Variants in HMGCLL1 observed in about 807,000 individuals in gnomAD.
HMGCLL1 encodes 3-hydroxy-3-methylglutaryl-CoA lyase like 1, also known as 3-hydroxymethyl-3-methylglutaryl-CoA lyase, cytoplasmic.
In HMGCLL1, 36 loss-of-function variants were observed where a neutral mutation model predicts 39.1. The ratio of observed to expected loss-of-function variants is 0.92; its 90% confidence interval spans 0.71 to 1.22. The LOEUF is 1.22. Among genes scored for constraint, HMGCLL1 ranks in the 50% most tolerant of loss-of-function variants. The probability of loss-of-function intolerance (pLI) is 0.00; values close to 1 mark genes in which losing one functional copy is unlikely to be tolerated. For missense variants in HMGCLL1, 451 were observed against 416.5 expected, an observed-to-expected ratio of 1.08 and a Z score of -0.72; for synonymous variants, 149 against 144.0, an observed-to-expected ratio of 1.03 and a Z score of -0.25.
At chr6:55,515,209 C>T (rs1348648555) in intron 4 of HMGCLL1, among the ~76,000 whole-genome samples, 4 of 150,324 alleles carry the variant, frequency 2.7e-5, no homozygotes, top group African/African-American at 4.9e-5. Context: ...ATCAAGATCA[C>T]GCCACTGCAC....
Position 55,516,548 on chromosome 6 carries a change from T to C in HMGCLL1, c.353A>G (p.Tyr118Cys), listed in dbSNP as rs1767747752. 1 of 1,603,498 alleles carries C rather than the reference T, an allele frequency of 6.2e-7. No homozygotes were observed. Among genetic ancestry groups the C allele is most frequent in the South Asian group, 1.1e-5 (1 of 89,344 alleles). ...KGIHQYPGVR[Y>C]PVLTPNLQGF... The stretch of plus-strand genomic sequence containing the variant: ...CTGAAGATTAGGAGTAAGGACAGGA[T>C]AGCGAACTCCTGGATATTGATGAAT... The change falls in exon 4 of 9, where the codon TAT (tyrosine) becomes TGT (cysteine). Residue 118 changes from tyrosine to cysteine, a missense_variant. Transcript: ENST00000274901.
chr6:55,461,830 A>G (rs1764579057), intron 7 of HMGCLL1, among the ~76,000 whole-genome samples: 1 of 152,206 alleles, frequency 6.6e-6, no homozygotes, highest in Non-Finnish European at 1.5e-5. Context: ...GTTCCAAAAT[A>G]TATACCTGTG....
chr6:55,477,224 T>C (rs1184803943), intron 7 of HMGCLL1, among the ~76,000 whole-genome samples: 2 of 22,226 alleles, frequency 9.0e-5, no homozygotes, highest in African/African-American at 4.7e-4. Flanking sequence ...TATTATAATA[T>C]ATAATATATA....
chr6:55,543,700 C>A (rs1018297278), intron 1 of HMGCLL1, among the ~76,000 whole-genome samples: 1 of 149,178 alleles, frequency 6.7e-6, no homozygotes, highest in Non-Finnish European at 1.5e-5. Context: ...TTAAAAAAAA[C>A]AAAAAATCAA....
the HMGCLL1 span, among the ~76,000 whole-genome samples, chr6:55,648,911 C>CA: frequency 2.1e-5 from 3 of 145,044 alleles, no homozygotes; most frequent in African/African-American, 5.1e-5. Flanking sequence ...GAGACACAAC[C>CA]AAAAAAGAGA....
intron 3 of HMGCLL1, among the ~76,000 whole-genome samples, chr6:55,539,128 A>C (rs1191636867): frequency 6.6e-5 from 10 of 152,182 alleles, no homozygotes. Context: ...TAAATAGAGG[A>C]CAAGAAACAG....
intron 5 of HMGCLL1, among the ~76,000 whole-genome samples, chr6:55,509,894 A>T (rs1767353439): frequency 6.6e-6 from 1 of 151,914 alleles, no homozygotes. Context: ...AACACCCTAG[A>T]TTCATTACAG....
At chr6:55,672,058 AC>A in the HMGCLL1 span, among the ~76,000 whole-genome samples, 4 of 151,764 alleles carry the variant, frequency 2.6e-5, no homozygotes, top group African/African-American at 9.7e-5. Flanking sequence ...GGAACAGGGA[AC>A]CAGGGGACAG....
chr6:55,436,096 C>T (rs758599275), intron 8 of HMGCLL1, among the ~76,000 whole-genome samples: 2 of 151,254 alleles, frequency 1.3e-5, no homozygotes, highest in African/African-American at 4.9e-5. Flanking sequence ...AAAGCATCAG[C>T]GAAGGACAAT....
intron 3 of HMGCLL1, among the ~76,000 whole-genome samples, chr6:55,531,565 A>G (rs956298556): frequency 6.6e-6 from 1 of 152,138 alleles, no homozygotes; most frequent in Non-Finnish European, 1.5e-5. Flanking sequence ...ACTCAATACA[A>G]TTGAATAAAA....
intron 7 of HMGCLL1, among the ~76,000 whole-genome samples, chr6:55,492,884 A>T (rs1390520719): frequency 6.6e-6 from 1 of 151,982 alleles, no homozygotes; most frequent in Non-Finnish European, 1.5e-5. Flanking sequence ...GAAAACACAG[A>T]TCCTCAGATC....
chr6:55,505,145 T>C (rs1767087484), intron 5 of HMGCLL1, among the ~76,000 whole-genome samples: 2 of 151,628 alleles, frequency 1.3e-5, no homozygotes, highest in Non-Finnish European at 3.0e-5. Flanking sequence ...CAGTCTTTAA[T>C]AACCTTACCT....
the HMGCLL1 span, among the ~76,000 whole-genome samples, chr6:55,613,099 C>G: frequency 6.6e-6 from 1 of 151,330 alleles, no homozygotes; most frequent in African/African-American, 2.4e-5. Flanking sequence ...TAAACAAATT[C>G]ACAAGAAAAA....
upstream of HMGCLL1, among the ~76,000 whole-genome samples, chr6:55,582,461 C>T (rs1772001194): frequency 6.6e-6 from 1 of 152,058 alleles, no homozygotes; most frequent in Non-Finnish European, 1.5e-5. Flanking sequence ...AGAGGTGTCC[C>T]ATAACCTCTG....
chr6:55,511,028 T>C (rs1287237690), intron 5 of HMGCLL1, among the ~76,000 whole-genome samples: 2 of 151,916 alleles, frequency 1.3e-5, no homozygotes, highest in African/African-American at 2.4e-5. Context: ...AAAGTACTAC[T>C]TCATATCTTG....
the HMGCLL1 span, among the ~76,000 whole-genome samples, chr6:55,677,388 C>T: frequency 7.2e-5 from 11 of 152,154 alleles, no homozygotes; most frequent in East Asian, 5.8e-4. Flanking sequence ...ACAACCCCCC[C>T]GACACATACA....
At chr6:55,551,348 G>A (rs1366253819) in intron 1 of HMGCLL1, among the ~76,000 whole-genome samples, 1 of 151,734 alleles carries the variant, frequency 6.6e-6, no homozygotes, top group Admixed American at 6.6e-5. Flanking sequence ...TATTCCCTGT[G>A]GTTATTTCTC....
chr6:55,511,139 A>C (rs543492963), intron 5 of HMGCLL1, among the ~76,000 whole-genome samples: 2 of 152,122 alleles, frequency 1.3e-5, no homozygotes, highest in East Asian at 3.9e-4. Flanking sequence ...ATTGGCTTTT[A>C]TTTTTCTTTG....
intron 1 of HMGCLL1, among the ~76,000 whole-genome samples, chr6:55,559,896 T>C (rs1770856515): frequency 6.6e-6 from 1 of 152,184 alleles, no homozygotes; most frequent in African/African-American, 2.4e-5. Context: ...AAGAAAAGCA[T>C]ATATTCAGAG....
Sources: allele counts gnomAD v4.1 joint callset (sites outside exome capture counted in the v4.1 genomes callset), GRCh38; gene constraint gnomAD v4.1.1; transcripts MANE v1.5; gene names NCBI Gene and HGNC (gene_info 2026-07-23, HGNC 2026-07-21).